The following HYCC1 variants were observed in gnomAD, a reference collection of about 807,000 sequenced individuals.
HYCC1 encodes hyccin.
chr7:22,996,442 A>G, the HYCC1 span, among the ~76,000 whole-genome samples: 1 of 151,862 alleles, frequency 6.6e-6, no homozygotes, highest in Non-Finnish European at 1.5e-5. Flanking sequence ...CAGGAGGTAC[A>G]TGTGCAGGTT....
chr7:22,976,142 G>C, the HYCC1 span: 1 of 952,536 alleles, frequency 1.0e-6, no homozygotes, highest in Non-Finnish European at 1.7e-6. Context: ...AATAACTTAG[G>C]TATGTACCAG....
At chr7:22,961,265 G>T in the HYCC1 span, 2 of 1,608,642 alleles carry the variant, frequency 1.2e-6, no homozygotes, top group African/African-American at 1.3e-5. Context: ...ATTCTAGCTG[G>T]GCTCTGTATA....
chr7:22,960,346 T>C, the HYCC1 span: 1 of 1,612,954 alleles, frequency 6.2e-7, no homozygotes. Flanking sequence ...TCAACTTGAA[T>C]ACACCTTGTA....
the HYCC1 span, among the ~76,000 whole-genome samples, chr7:22,986,622 T>C: frequency 6.6e-6 from 1 of 152,054 alleles, no homozygotes; most frequent in East Asian, 1.9e-4. Context: ...CTGAGGCAGG[T>C]GGATCACGAG....
At chr7:22,910,674 A>C in the HYCC1 span, among the ~76,000 whole-genome samples, 1 of 152,322 alleles carries the variant, frequency 6.6e-6, no homozygotes, top group South Asian at 2.1e-4. Context: ...TGATGTGTAA[A>C]ATGTTTCTAA....
the HYCC1 span, among the ~76,000 whole-genome samples, chr7:22,987,501 CTG>C: frequency 6.6e-6 from 1 of 152,104 alleles, no homozygotes; most frequent in African/African-American, 2.4e-5. Context: ...TGAGCCAAGA[CTG>C]TGCCACTGCA....
At chr7:22,945,830 A>C in the HYCC1 span, 10 of 1,613,864 alleles carry the variant, frequency 6.2e-6, no homozygotes, top group Non-Finnish European at 7.6e-6. Context: ...GGTCTTAGCC[A>C]AACCATGGCT....
At chr7:22,977,646 TGA>T in the HYCC1 span, among the ~76,000 whole-genome samples, 1 of 152,232 alleles carries the variant, frequency 6.6e-6, no homozygotes. Flanking sequence ...TCAGGATGGC[TGA>T]GATACAGATA....
chr7:22,964,586 A>G, the HYCC1 span: 2 of 977,026 alleles, frequency 2.0e-6, no homozygotes, highest in Admixed American at 3.5e-5. Flanking sequence ...TAGGTGATTT[A>G]TTTTAACATT....
the HYCC1 span, among the ~76,000 whole-genome samples, chr7:22,897,914 C>T: frequency 6.6e-6 from 1 of 151,240 alleles, no homozygotes; most frequent in African/African-American, 2.4e-5. Flanking sequence ...GATTACAGGT[C>T]TGAGCCACCA....
At chr7:22,998,267 T>C in the HYCC1 span, among the ~76,000 whole-genome samples, 1 of 152,336 alleles carries the variant, frequency 6.6e-6, no homozygotes, top group East Asian at 1.9e-4. Flanking sequence ...TTACTGCTCT[T>C]GGATTTCTAT....
chr7:22,932,684 C>T, the HYCC1 span, among the ~76,000 whole-genome samples: 12 of 152,128 alleles, frequency 7.9e-5, no homozygotes, highest in East Asian at 1.9e-3. Context: ...ATAAGTGATG[C>T]TGGAATGGGC....
chr7:22,956,272 AAAG>A, the HYCC1 span, among the ~76,000 whole-genome samples: 1 of 152,002 alleles, frequency 6.6e-6, no homozygotes, highest in African/African-American at 2.4e-5. Flanking sequence ...AATACGCATA[AAAG>A]AATAAGCAAC....
chr7:22,977,839 C>T, the HYCC1 span, among the ~76,000 whole-genome samples: 3 of 152,118 alleles, frequency 2.0e-5, no homozygotes, highest in African/African-American at 4.8e-5. Flanking sequence ...ATTAGTAATG[C>T]AAGCCGTATG....
the HYCC1 span, among the ~76,000 whole-genome samples, chr7:23,003,633 C>T: frequency 4.6e-5 from 7 of 152,230 alleles, no homozygotes; most frequent in East Asian, 1.3e-3. Context: ...TTCCTTTTTA[C>T]AATGTTGGGG....
At chr7:22,953,365 A>G in the HYCC1 span, among the ~76,000 whole-genome samples, 4 of 151,966 alleles carry the variant, frequency 2.6e-5, no homozygotes, top group Admixed American at 2.6e-4. Flanking sequence ...ATAATAAAAA[A>G]TAATAACTTT....
chr7:22,918,366 TA>T, the HYCC1 span, among the ~76,000 whole-genome samples: 1 of 152,124 alleles, frequency 6.6e-6, no homozygotes, highest in African/African-American at 2.4e-5. Context: ...TATCATCCCT[TA>T]CCACAAAATC....
At chr7:22,958,080 T>C in the HYCC1 span, among the ~76,000 whole-genome samples, 1 of 151,990 alleles carries the variant, frequency 6.6e-6, no homozygotes, top group African/African-American at 2.4e-5. Context: ...ATCTAAGAAG[T>C]ACAGCAAAGG....
At chr7:22,915,808 G>C in the HYCC1 span, among the ~76,000 whole-genome samples, 56 of 152,190 alleles carry the variant, frequency 3.7e-4, 1 homozygote, top group South Asian at 0.011. Flanking sequence ...GTGCCAACTT[G>C]GACAACATTC....
Sources: allele counts gnomAD v4.1 joint callset (sites outside exome capture counted in the v4.1 genomes callset), GRCh38; gene constraint gnomAD v4.1.1; transcripts MANE v1.5; gene names NCBI Gene and HGNC (gene_info 2026-07-23, HGNC 2026-07-21).